Variants in GRM7 observed in about 807,000 individuals in gnomAD.
GRM7 encodes the protein glutamate metabotropic receptor 7.
In GRM7, 35 loss-of-function variants were observed where a neutral mutation model predicts 84.5. That is an observed-to-expected ratio of 0.41 (90% CI 0.32 to 0.55). The LOEUF (loss-of-function observed/expected upper bound fraction) is 0.55. Among genes scored for constraint, GRM7 ranks in the 20% least tolerant of loss-of-function variants. GRM7 has a pLI of 0.19. For synonymous variants in GRM7, 487 were observed against 455.1 expected (o/e 1.07, Z -0.89); for missense variants, 1,003 against 1,194.6 (o/e 0.84, Z 2.36).
chr3:7,459,604 C>T (rs1051572323), intron 6 of GRM7, among the ~76,000 whole-genome samples: 1 of 152,022 alleles, frequency 6.6e-6, no homozygotes, highest in Admixed American at 6.6e-5. Flanking sequence ...AGGGGAAACC[C>T]CTTTTAAAGA....
chr3:7,384,392 C>T (rs1275827786), intron 4 of GRM7, among the ~76,000 whole-genome samples: 2 of 152,070 alleles, frequency 1.3e-5, no homozygotes, highest in Non-Finnish European at 2.9e-5. Context: ...ATTGAAAAAA[C>T]ATCCACCAAC....
At chr3:7,480,874 A>G (rs574075250) in intron 7 of GRM7, among the ~76,000 whole-genome samples, 1 of 152,316 alleles carries the variant, frequency 6.6e-6, no homozygotes, top group Non-Finnish European at 1.5e-5. Context: ...GAATTAAGCT[A>G]CATACAGCTA....
At chr3:7,316,175 A>G (rs911218554) in intron 4 of GRM7, among the ~76,000 whole-genome samples, 5 of 152,142 alleles carry the variant, frequency 3.3e-5, no homozygotes, top group Non-Finnish European at 1.5e-5. Flanking sequence ...GCCGGAGCAC[A>G]GTGAGGAAGA....
chr3:7,641,652 T>A (rs1467346662), intron 8 of GRM7, among the ~76,000 whole-genome samples: 1 of 152,160 alleles, frequency 6.6e-6, no homozygotes, highest in Non-Finnish European at 1.5e-5. Context: ...ATGATTCTAA[T>A]GTACAGCCAA....
chr3:7,464,087 C>T (rs574298214), intron 7 of GRM7, among the ~76,000 whole-genome samples: 14 of 152,110 alleles, frequency 9.2e-5, no homozygotes, highest in East Asian at 1.9e-4. Context: ...CACATATTAC[C>T]GGGCCCTGCT....
chr3:7,212,514 C>T (rs915309481), intron 2 of GRM7, among the ~76,000 whole-genome samples: 2 of 151,968 alleles, frequency 1.3e-5, no homozygotes, highest in Non-Finnish European at 2.9e-5. Context: ...TAGTTGCGAA[C>T]TCATATGAGG....
chr3:7,042,799 A>G (rs1466300903), intron 1 of GRM7, among the ~76,000 whole-genome samples: 1 of 151,800 alleles, frequency 6.6e-6, no homozygotes, highest in Non-Finnish European at 1.5e-5. Flanking sequence ...CAATTGATTT[A>G]TTTTCCTCCC....
intron 7 of GRM7, among the ~76,000 whole-genome samples, chr3:7,551,922 A>G (rs1268016464): frequency 6.6e-6 from 1 of 152,212 alleles, no homozygotes; most frequent in Non-Finnish European, 1.5e-5. Context: ...CAATACTGTC[A>G]AATGGCAAAG....
At chr3:7,535,755 C>T (rs1057330699) in intron 7 of GRM7, among the ~76,000 whole-genome samples, 2 of 152,156 alleles carry the variant, frequency 1.3e-5, no homozygotes, top group South Asian at 2.1e-4. Context: ...GAATTTTACT[C>T]AATAAAGATA....
At chr3:7,404,368 G>C (rs1028089795) in intron 4 of GRM7, among the ~76,000 whole-genome samples, 2 of 152,142 alleles carry the variant, frequency 1.3e-5, no homozygotes, top group Non-Finnish European at 2.9e-5. Context: ...TTGGTGATTG[G>C]TTTAGATTTC....
intron 4 of GRM7, among the ~76,000 whole-genome samples, chr3:7,368,504 T>A (rs369017402): frequency 6.6e-6 from 1 of 152,164 alleles, no homozygotes. Flanking sequence ...TTTTTTTCTA[T>A]TGAAAATGTA....
At chr3:7,648,527 T>TA in intron 8 of GRM7, among the ~76,000 whole-genome samples, 1 of 152,022 alleles carries the variant, frequency 6.6e-6, no homozygotes, top group East Asian at 1.9e-4. Context: ...CAGGTGCCTG[T>TA]AACCCTAGCT....
At chr3:7,454,673 A>G (rs1697929037) in intron 6 of GRM7, among the ~76,000 whole-genome samples, 1 of 152,220 alleles carries the variant, frequency 6.6e-6, no homozygotes, top group East Asian at 1.9e-4. Flanking sequence ...TATATTGCGG[A>G]TAATGAGAGC....
rs3804950 is a variant in GRM7, at chr3:7,478,518, C to T, written c.1515+16796C>T. Among the ~76,000 whole-genome samples, 87 of 152,226 alleles carry T rather than the reference C, an allele frequency of 5.7e-4. 2 individuals are homozygous for T. The East Asian group carries it at 0.016, about 28-fold the overall frequency. ...TCTTTGCTAGTCCTCTTTCTTTTTGCCAAGAGCATTACATTTCAAATATTT... is the reference window on the plus strand; with the variant it reads ...TCTTTGCTAGTCCTCTTTCTTTTTGTCAAGAGCATTACATTTCAAATATTT... On this transcript the variant is annotated intron_variant, in intron 7 of 9. Transcript: ENST00000357716.
At chr3:7,646,873 C>T (rs1352756811) in intron 8 of GRM7, among the ~76,000 whole-genome samples, 2 of 152,154 alleles carry the variant, frequency 1.3e-5, no homozygotes, top group Admixed American at 6.5e-5. Context: ...AGCATTTCCT[C>T]AGGTAGCCAT....
intron 8 of GRM7, among the ~76,000 whole-genome samples, chr3:7,650,637 T>A (rs1490798894): frequency 2.0e-5 from 3 of 152,246 alleles, no homozygotes; most frequent in Admixed American, 6.5e-5. Context: ...AGTGTGGAAT[T>A]CCTTTCTGTC....
chr3:7,342,768 G>A (rs1239982104), intron 4 of GRM7, among the ~76,000 whole-genome samples: 2 of 152,116 alleles, frequency 1.3e-5, no homozygotes, highest in African/African-American at 2.4e-5. Flanking sequence ...TTTGAGAACC[G>A]CTGCTGTTTA....
intron 1 of GRM7, among the ~76,000 whole-genome samples, chr3:7,063,437 AG>A (rs1198218569): frequency 6.6e-6 from 1 of 151,732 alleles, no homozygotes; most frequent in African/African-American, 2.4e-5. Flanking sequence ...CTGGACATGC[AG>A]AAACAACACA....
At chr3:6,974,742 A>G (rs1398145673) in intron 1 of GRM7, among the ~76,000 whole-genome samples, 1 of 152,198 alleles carries the variant, frequency 6.6e-6, no homozygotes, top group Non-Finnish European at 1.5e-5. Context: ...TGTGAACATA[A>G]CAAGGGCTGT....
Sources: allele counts gnomAD v4.1 joint callset (sites outside exome capture counted in the v4.1 genomes callset), GRCh38; gene constraint gnomAD v4.1.1; transcripts MANE v1.5; gene names NCBI Gene and HGNC (gene_info 2026-07-23, HGNC 2026-07-21).